The following DSCAM variants were observed in gnomAD, a reference collection of about 807,000 sequenced individuals.
The protein encoded by DSCAM is cell adhesion molecule DSCAM.
In DSCAM, 47 loss-of-function variants were observed where a neutral mutation model predicts 217.7. The observed-to-expected ratio is 0.22, with a 90% CI of 0.17 to 0.28. The LOEUF is 0.28. Ranked by LOEUF, DSCAM falls within the 10% of genes least tolerant of loss-of-function variation. The pLI is 1.00. For missense variants in DSCAM, 2,080 were observed against 2,618.3 expected (o/e 0.79, Z 4.49); for synonymous variants, 1,056 against 1,015.3 (o/e 1.04, Z -0.76).
intron 15 of DSCAM, among the ~76,000 whole-genome samples, chr21:40,173,712 A>G (rs757634611): frequency 2.0e-5 from 3 of 152,090 alleles, no homozygotes; most frequent in Non-Finnish European, 4.4e-5. Flanking sequence ...CCAGCTCAGC[A>G]CATAGGAAAC....
chr21:40,723,427 G>C (rs1301002367), intron 1 of DSCAM, among the ~76,000 whole-genome samples: 3 of 151,996 alleles, frequency 2.0e-5, no homozygotes, highest in Non-Finnish European at 4.4e-5. Flanking sequence ...TTTCATACTA[G>C]ACACCGTGTC....
intron 3 of DSCAM, among the ~76,000 whole-genome samples, chr21:40,390,467 T>G (rs1272335176): frequency 1.3e-5 from 2 of 152,220 alleles, no homozygotes; most frequent in African/African-American, 2.4e-5. Flanking sequence ...GCTGTGCTCT[T>G]GGCTTCACCT....
At chr21:40,781,192 C>T (rs1448734304) in intron 1 of DSCAM, among the ~76,000 whole-genome samples, 1 of 151,768 alleles carries the variant, frequency 6.6e-6, no homozygotes, top group East Asian at 2.0e-4. Flanking sequence ...AACATCTCTA[C>T]TAAAAATAGT....
intron 3 of DSCAM, among the ~76,000 whole-genome samples, chr21:40,614,012 A>C (rs1187440438): frequency 6.6e-6 from 1 of 152,232 alleles, no homozygotes; most frequent in Non-Finnish European, 1.5e-5. Context: ...CTATCAAAGG[A>C]AAAAAGCACA....
intron 3 of DSCAM, among the ~76,000 whole-genome samples, chr21:40,397,056 C>A (rs2075185037): frequency 6.6e-6 from 1 of 152,184 alleles, no homozygotes. Context: ...TTTTCCCACA[C>A]ATGGTTACAT....
rs115772991 is a variant in DSCAM, at chr21:40,377,110, C to G, written c.509-7865G>C. Among the ~76,000 whole-genome samples the G allele has an allele frequency of 3.6e-3, 548 of 152,196 alleles. 3 individuals are homozygous for G. Among genetic ancestry groups the G allele is most frequent in the African/African-American group, 0.013 (531 of 41,524 alleles). On this transcript the variant is annotated intron_variant, in intron 3 of 32. Transcript: ENST00000400454. ...TAACATGAATCCTAATCAGAGCCAA[C>G]AGGTTCTAGGTGGAGGCTACCACTG...
intron 3 of DSCAM, among the ~76,000 whole-genome samples, chr21:40,409,429 G>C (rs1209504039): frequency 6.6e-6 from 1 of 152,168 alleles, no homozygotes; most frequent in Non-Finnish European, 1.5e-5. Context: ...GACCCAACCA[G>C]CCTGATGGTC....
chr21:40,804,241 G>A (rs1374243739), intron 1 of DSCAM, among the ~76,000 whole-genome samples: 1 of 152,178 alleles, frequency 6.6e-6, no homozygotes, highest in Non-Finnish European at 1.5e-5. Context: ...AGAATCAGGG[G>A]AGCACAGAGT....
chr21:40,351,066 T>G (rs544647892), intron 5 of DSCAM, among the ~76,000 whole-genome samples: 20 of 151,870 alleles, frequency 1.3e-4, no homozygotes, highest in Middle Eastern at 3.4e-3. Flanking sequence ...ATACTTTTAA[T>G]GGAATCACTA....
intron 1 of DSCAM, among the ~76,000 whole-genome samples, chr21:40,810,134 C>A (rs1351223275): frequency 6.6e-6 from 1 of 152,196 alleles, no homozygotes; most frequent in Admixed American, 6.5e-5. Flanking sequence ...GCTGGAGCTG[C>A]TTTTCCTTGT....
chr21:40,696,239 G>T (rs2090593804), intron 2 of DSCAM, among the ~76,000 whole-genome samples: 1 of 152,168 alleles, frequency 6.6e-6, no homozygotes, highest in Non-Finnish European at 1.5e-5. Context: ...CTGAACCCCA[G>T]CTCGCTCAGA....
chr21:40,475,027 C>T (rs1014960589), intron 3 of DSCAM, among the ~76,000 whole-genome samples: 4 of 152,094 alleles, frequency 2.6e-5, no homozygotes, highest in African/African-American at 9.7e-5. Context: ...AGTCAGTAGG[C>T]TTGCTGTTGC....
chr21:40,389,013 T>C (rs2075111220), intron 3 of DSCAM, among the ~76,000 whole-genome samples: 1 of 152,246 alleles, frequency 6.6e-6, no homozygotes, highest in Admixed American at 6.5e-5. Context: ...GTAAGTTTAC[T>C]CTTTCCCTCA....
intron 3 of DSCAM, among the ~76,000 whole-genome samples, chr21:40,623,561 G>A (rs1054196245): frequency 6.6e-6 from 1 of 152,200 alleles, no homozygotes; most frequent in Non-Finnish European, 1.5e-5. Flanking sequence ...GAAAGGTGAA[G>A]TCTATCTGTA....
chr21:40,364,695 T>TATAC (rs2074810449), intron 4 of DSCAM, among the ~76,000 whole-genome samples: 2 of 147,086 alleles, frequency 1.4e-5, no homozygotes, highest in African/African-American at 5.0e-5. Context: ...AAAGTGTATA[T>TATAC]ATATATATAT....
intron 3 of DSCAM, among the ~76,000 whole-genome samples, chr21:40,546,965 T>C (rs1056377564): frequency 2.0e-5 from 3 of 152,084 alleles, no homozygotes; most frequent in African/African-American, 2.4e-5. Context: ...CCCCCAGTTA[T>C]TGGGGGCAAG....
intron 9 of DSCAM, among the ~76,000 whole-genome samples, chr21:40,307,263 G>T (rs1381238151): frequency 1.3e-5 from 2 of 151,222 alleles, no homozygotes; most frequent in African/African-American, 2.4e-5. Context: ...CCATCAAAAA[G>T]TAGGCAAAGG....
chr21:40,602,086 G>T (rs2077066601), intron 3 of DSCAM, among the ~76,000 whole-genome samples: 3 of 132,100 alleles, frequency 2.3e-5, no homozygotes, highest in African/African-American at 3.1e-5. Flanking sequence ...TTTGAGATTG[G>T]GTCTCACTCT....
intron 3 of DSCAM, among the ~76,000 whole-genome samples, chr21:40,397,165 T>A (rs1222838671): frequency 6.6e-6 from 1 of 152,208 alleles, no homozygotes; most frequent in Non-Finnish European, 1.5e-5. Flanking sequence ...ATAGTCTTCT[T>A]CACTGGCAAT....
Sources: allele counts gnomAD v4.1 joint callset (sites outside exome capture counted in the v4.1 genomes callset), GRCh38; gene constraint gnomAD v4.1.1; transcripts MANE v1.5; gene names NCBI Gene and HGNC (gene_info 2026-07-23, HGNC 2026-07-21).